Variants in TLL2 observed in about 807,000 individuals in gnomAD.
TLL2 encodes the protein tolloid-like protein 2.
A neutral mutation model predicts 123.0 loss-of-function variants in TLL2; 106 were observed. The observed-to-expected ratio is 0.86, with a 90% confidence interval of 0.74 to 1.01. The LOEUF (loss-of-function observed/expected upper bound fraction) is 1.01. Ranked by LOEUF, TLL2 falls within the 50% of genes least tolerant of loss-of-function variation. The pLI, the probability that TLL2 is intolerant of heterozygous loss-of-function variation, is 0.00. For synonymous variants in TLL2, 494 were observed against 516.8 expected, an observed-to-expected ratio of 0.96 and a Z score of 0.60; for missense variants, 1,332 against 1,336.7, an observed-to-expected ratio of 1.00 and a Z score of 0.06.
chr10:96,469,887 G>A (rs548676325), intron 2 of TLL2, among the ~76,000 whole-genome samples: 127 of 152,236 alleles, frequency 8.3e-4, no homozygotes, highest in African/African-American at 3.0e-3. Context: ...CTGTGGGGTC[G>A]ATCCCAGGGA....
intron 2 of TLL2, among the ~76,000 whole-genome samples, chr10:96,456,835 T>A (rs1166902987): frequency 6.6e-6 from 1 of 152,110 alleles, no homozygotes; most frequent in East Asian, 1.9e-4. Context: ...CAAAGAACAG[T>A]GCAAGCAACC....
In TLL2 at chr10:96,395,821, G is replaced by A. The variant is rs566296646; in HGVS notation, c.1530+54C>T. ...GAAAACCCATCTTTACAGAGTGGAGGATGTCTAGCAAAAGTTGCCGTTTCC... is the reference window on the plus strand; with the variant it reads ...GAAAACCCATCTTTACAGAGTGGAGAATGTCTAGCAAAAGTTGCCGTTTCC... On this transcript the variant is annotated intron_variant, in intron 12 of 20. Transcript: ENST00000357947. The A allele has an allele frequency of 5.1e-5, 82 of 1,605,386 alleles. 1 individual carries two copies. In the South Asian group the frequency reaches 6.8e-4, roughly 13 times the overall value.
intron 2 of TLL2, among the ~76,000 whole-genome samples, chr10:96,476,240 A>ATATATATATATATTTTTTTTTTTTTTTTT: frequency 2.0e-4 from 4 of 20,498 alleles, no homozygotes; most frequent in Non-Finnish European, 4.0e-4. Context: ...ATATATATAT[A>ATATATATATATATTTTTTTTTTTTTTTTT]TTTTATTTTT....
intron 16 of TLL2, 94 bp downstream of exon 16, chr10:96,384,491 CAA>C: frequency 7.6e-7 from 1 of 1,319,258 alleles, no homozygotes; most frequent in Non-Finnish European, 1.0e-6. Context: ...CAGGAGCAAG[CAA>C]AGAGAGAGAG....
chr10:96,487,856 C>T (rs1017940697), intron 1 of TLL2, among the ~76,000 whole-genome samples: 1 of 152,116 alleles, frequency 6.6e-6, no homozygotes, highest in East Asian at 1.9e-4. Context: ...AGAGTCTAAA[C>T]GCCATGACAA....
intron 1 of TLL2, among the ~76,000 whole-genome samples, chr10:96,505,939 C>T (rs190959231): frequency 1.7e-4 from 26 of 152,208 alleles, no homozygotes; most frequent in Admixed American, 4.6e-4. Context: ...GGGACTTGCT[C>T]CAGGTCTCAC....
At chr10:96,478,542 G>A (rs990281716) in intron 2 of TLL2, among the ~76,000 whole-genome samples, 4 of 152,346 alleles carry the variant, frequency 2.6e-5, no homozygotes, top group Non-Finnish European at 4.4e-5. Context: ...AAGAATGACT[G>A]CAGCAGCTTT....
chr10:96,386,571 T>C (rs778487650), intron 14 of TLL2, among the ~76,000 whole-genome samples: 3 of 152,208 alleles, frequency 2.0e-5, no homozygotes, highest in Non-Finnish European at 2.9e-5. Context: ...TTCATGCACG[T>C]GGACAAGGAA....
chr10:96,420,547 C>G (rs1276246983), intron 7 of TLL2, among the ~76,000 whole-genome samples: 1 of 152,230 alleles, frequency 6.6e-6, no homozygotes, highest in Non-Finnish European at 1.5e-5. Context: ...ATTTACAGCC[C>G]TCCCAGCCTT....
rs1304338249 is a variant in TLL2, at chr10:96,386,044, T to G, written c.2013+11A>C. 1 of 1,579,916 alleles carries G rather than the reference T, an allele frequency of 6.3e-7. No individual in the cohort carries two copies. Among genetic ancestry groups the G allele is most frequent in the African/African-American group, 1.4e-5 (1 of 73,888 alleles). ...ATACAGTCCCCAATCAATTAGAGCA[T>G]GGAGACATACGTCATTGCCTTCCAG... On this transcript the variant is annotated intron_variant, in intron 15 of 20. Coordinates refer to ENST00000357947, the MANE Select transcript of TLL2 (RefSeq NM_012465.4).
intron 9 of TLL2, among the ~76,000 whole-genome samples, chr10:96,406,444 G>A (rs995609569): frequency 2.6e-5 from 4 of 152,126 alleles, no homozygotes; most frequent in South Asian, 2.1e-4. Context: ...GACTCTATTC[G>A]TTTTCCAACC....
intron 9 of TLL2, among the ~76,000 whole-genome samples, chr10:96,409,962 T>C (rs1353033852): frequency 1.3e-5 from 2 of 152,178 alleles, no homozygotes; most frequent in Non-Finnish European, 2.9e-5. Context: ...AACAGGGATG[T>C]TCTTTAAGCC....
At chr10:96,398,008 T>G (rs1846357798) in intron 10 of TLL2, among the ~76,000 whole-genome samples, 4 of 151,966 alleles carry the variant, frequency 2.6e-5, no homozygotes, top group Admixed American at 2.6e-4. Context: ...GAGTCCAGAG[T>G]GGCAGCAAGA....
At chr10:96,488,401 T>A (rs1205127895) in intron 1 of TLL2, among the ~76,000 whole-genome samples, 1 of 152,178 alleles carries the variant, frequency 6.6e-6, no homozygotes, top group Non-Finnish European at 1.5e-5. Flanking sequence ...TGGGACTGGA[T>A]CCTAGCCCAC....
intron 3 of TLL2, among the ~76,000 whole-genome samples, chr10:96,437,955 G>C (rs1413886119): frequency 6.6e-6 from 1 of 152,074 alleles, no homozygotes; most frequent in East Asian, 1.9e-4. Context: ...TCTATTTCTG[G>C]GTTCTCTATT....
At chr10:96,407,839 A>C (rs919430769) in intron 9 of TLL2, among the ~76,000 whole-genome samples, 1 of 151,390 alleles carries the variant, frequency 6.6e-6, no homozygotes, top group African/African-American at 2.4e-5. Flanking sequence ...GGGTGCATGC[A>C]TGTGTGAGCA....
intron 10 of TLL2, among the ~76,000 whole-genome samples, chr10:96,404,507 G>C (rs866060713): frequency 6.6e-6 from 1 of 152,222 alleles, no homozygotes; most frequent in African/African-American, 2.4e-5. Context: ...AATTTTACTT[G>C]AGATTTATAT....
At chr10:96,421,509 C>CA (rs199915590) in intron 6 of TLL2, among the ~76,000 whole-genome samples, 50,086 of 151,690 alleles carry the variant, frequency 0.33, 8,328 homozygotes, top group Non-Finnish European at 0.36. Flanking sequence ...ACTAAAAATA[C>CA]AAAAATTAGC....
At chr10:96,435,428 T>C (rs1846787405) in intron 3 of TLL2, among the ~76,000 whole-genome samples, 1 of 152,254 alleles carries the variant, frequency 6.6e-6, no homozygotes, top group African/African-American at 2.4e-5. Flanking sequence ...TTTTCACTTT[T>C]ATAATAGTGT....
Sources: allele counts gnomAD v4.1 joint callset (sites outside exome capture counted in the v4.1 genomes callset), GRCh38; gene constraint gnomAD v4.1.1; transcripts MANE v1.5; gene names NCBI Gene and HGNC (gene_info 2026-07-23, HGNC 2026-07-21).